Variants in COX7B2 observed in about 807,000 individuals in gnomAD.
The protein encoded by COX7B2 is cytochrome c oxidase subunit 7B2, mitochondrial.
For synonymous variants in COX7B2, 37 were observed against 32.1 expected (o/e 1.15, Z -0.51); for missense variants, 109 against 95.9 (o/e 1.14, Z -0.57).
chr4:46,822,581 T>A (rs1341912586), intron 2 of COX7B2, among the ~76,000 whole-genome samples: 1 of 151,836 alleles, frequency 6.6e-6, no homozygotes, highest in East Asian at 1.9e-4. Context: ...ACAGAAAAAA[T>A]AACTACATTA....
At chr4:46,795,232 T>A (rs1344788293) in intron 2 of COX7B2, among the ~76,000 whole-genome samples, 3 of 116,186 alleles carry the variant, frequency 2.6e-5, no homozygotes, top group Non-Finnish European at 5.1e-5. Context: ...TTTTGTCTTT[T>A]GTTGCCATTG....
intron 1 of COX7B2, chr4:46,876,579 T>G (rs952352791): frequency 6.6e-6 from 1 of 152,064 alleles, no homozygotes; most frequent in African/African-American, 2.4e-5. Context: ...TAATTTTTTG[T>G]ATTTTTTTAG....
At chr4:46,897,510 G>A (rs1238409213) in intron 1 of COX7B2, among the ~76,000 whole-genome samples, 1 of 152,118 alleles carries the variant, frequency 6.6e-6, no homozygotes, top group African/African-American at 2.4e-5. Context: ...GGCTAATAAA[G>A]AGTACTTCAT....
At chr4:46,820,194 T>C (rs1577606972) in intron 2 of COX7B2, among the ~76,000 whole-genome samples, 1 of 152,180 alleles carries the variant, frequency 6.6e-6, no homozygotes, top group South Asian at 2.1e-4. Context: ...CTTCTTTCCC[T>C]CAACTAGATG....
At chr4:46,812,397 G>T (rs1719329557) in intron 2 of COX7B2, among the ~76,000 whole-genome samples, 1 of 151,836 alleles carries the variant, frequency 6.6e-6, no homozygotes, top group Non-Finnish European at 1.5e-5. Context: ...TCCTACAGAG[G>T]CTCAGGCCCC....
intron 1 of COX7B2, among the ~76,000 whole-genome samples, chr4:46,888,811 T>G (rs185323313): frequency 6.6e-6 from 1 of 152,208 alleles, no homozygotes; most frequent in East Asian, 1.9e-4. Context: ...TAATAATTAC[T>G]ACAATCCCAA....
At chr4:46,850,508 A>T (rs1716606367) in intron 1 of COX7B2, among the ~76,000 whole-genome samples, 1 of 152,116 alleles carries the variant, frequency 6.6e-6, no homozygotes, top group African/African-American at 2.4e-5. Flanking sequence ...GATATCTCAC[A>T]TAAAAAATCT....
chr4:46,813,572 A>G (rs1328969172), intron 2 of COX7B2, among the ~76,000 whole-genome samples: 4 of 152,196 alleles, frequency 2.6e-5, no homozygotes, highest in Non-Finnish European at 4.4e-5. Flanking sequence ...GAGGGCAAGG[A>G]AAGGGAGAGT....
At chr4:46,900,805 C>A (rs977591255) in intron 1 of COX7B2, among the ~76,000 whole-genome samples, 9 of 152,158 alleles carry the variant, frequency 5.9e-5, no homozygotes, top group African/African-American at 2.2e-4. Flanking sequence ...CCTCACCAGA[C>A]ACCAAATCTG....
At chr4:46,837,003 C>A (rs1472327707) in intron 2 of COX7B2, among the ~76,000 whole-genome samples, 1 of 152,014 alleles carries the variant, frequency 6.6e-6, no homozygotes, top group Admixed American at 6.6e-5. Flanking sequence ...TACAGTTTTA[C>A]ATATAGATTA....
chr4:46,909,044 CA>C (rs559560185), intron 1 of COX7B2, 115 bp downstream of exon 1: 169 of 122,680 alleles, frequency 1.4e-3, no homozygotes, highest in Admixed American at 1.4e-3. Context: ...GACTCCGTCT[CA>C]AAAAAAAAAA....
intron 2 of COX7B2, among the ~76,000 whole-genome samples, chr4:46,832,526 G>A (rs1004659353): frequency 2.6e-5 from 4 of 152,076 alleles, no homozygotes; most frequent in African/African-American, 9.7e-5. Flanking sequence ...TAAAGACAAG[G>A]TAAAAGTTAA....
chr4:46,767,472 T>G (rs1679564728), intron 2 of COX7B2, among the ~76,000 whole-genome samples: 1 of 152,132 alleles, frequency 6.6e-6, no homozygotes, highest in South Asian at 2.1e-4. Flanking sequence ...AATAAAGAAA[T>G]ATGGTATTTG....
At chr4:46,759,943 AT>A in intron 2 of COX7B2, among the ~76,000 whole-genome samples, 1 of 151,642 alleles carries the variant, frequency 6.6e-6, no homozygotes, top group South Asian at 2.1e-4. Context: ...TATATGTTAT[AT>A]AAGTCTTATA....
chr4:46,807,031 G>A (rs1009111502), intron 2 of COX7B2, among the ~76,000 whole-genome samples: 2 of 151,678 alleles, frequency 1.3e-5, no homozygotes, highest in Non-Finnish European at 2.9e-5. Flanking sequence ...TTGTATATAC[G>A]GCCAGAAGAG....
intron 1 of COX7B2, among the ~76,000 whole-genome samples, chr4:46,856,417 C>G (rs756946447): frequency 2.5e-4 from 38 of 152,152 alleles, no homozygotes; most frequent in South Asian, 4.1e-4. Flanking sequence ...CAGCTCAGCA[C>G]TAGAGGACTG....
chr4:46,761,567 T>A (rs1577674067), intron 2 of COX7B2, among the ~76,000 whole-genome samples: 1 of 152,290 alleles, frequency 6.6e-6, no homozygotes, highest in East Asian at 1.9e-4. Flanking sequence ...AGATAAGATT[T>A]CAGGCTGAGA....
intron 2 of COX7B2, among the ~76,000 whole-genome samples, chr4:46,758,554 T>C (rs898816558): frequency 2.0e-5 from 3 of 152,174 alleles, no homozygotes; most frequent in Admixed American, 2.0e-4. Context: ...AGGTATCCAC[T>C]ATCTCAGCAA....
chr4:46,859,467 T>C (rs1206585787), intron 1 of COX7B2, among the ~76,000 whole-genome samples: 1 of 152,198 alleles, frequency 6.6e-6, no homozygotes, highest in Non-Finnish European at 1.5e-5. Flanking sequence ...CTTTCTCATC[T>C]GGAAAATGGT....
Sources: gnomAD v4.1 joint callset for allele counts (sites outside exome capture counted in the v4.1 genomes callset) on GRCh38, gnomAD v4.1.1 for gene constraint, MANE v1.5 for transcripts, NCBI Gene and HGNC (gene_info 2026-07-23, HGNC 2026-07-21) for gene names.